Variants in BTBD9 observed in about 807,000 individuals in gnomAD.
BTBD9 encodes the protein BTB domain containing 9, also known as BTB/POZ domain-containing protein 9.
A neutral mutation model predicts 64.3 loss-of-function variants in BTBD9; 49 were observed. The observed-to-expected ratio is 0.76, with a 90% CI of 0.61 to 0.97. The LOEUF is 0.97. Ranked by LOEUF, BTBD9 falls within the 50% of genes least tolerant of loss-of-function variation. BTBD9 has a pLI of 0.00. For missense variants in BTBD9, 598 were observed against 762.1 expected (o/e 0.78, Z 2.53); for synonymous variants, 260 against 274.7 (o/e 0.95, Z 0.53).
intron 1 of BTBD9, among the ~76,000 whole-genome samples, chr6:38,607,519 C>T (rs1201369120): frequency 6.6e-6 from 1 of 152,120 alleles, no homozygotes; most frequent in Non-Finnish European, 1.5e-5. Context: ...ATTTTGCATA[C>T]TCTTAATGCT....
chr6:38,428,510 A>G (rs1768284331), intron 6 of BTBD9, among the ~76,000 whole-genome samples: 3 of 149,992 alleles, frequency 2.0e-5, no homozygotes, highest in Admixed American at 2.0e-4. Flanking sequence ...GTATTAAAGC[A>G]TTTTTTTGGC....
intron 7 of BTBD9, among the ~76,000 whole-genome samples, chr6:38,299,574 T>C (rs1247319937): frequency 6.6e-6 from 1 of 152,190 alleles, no homozygotes; most frequent in Non-Finnish European, 1.5e-5. Context: ...TGGTATCTCA[T>C]TGTGGTTTTG....
At chr6:38,572,231 C>T (rs1582652494) in intron 6 of BTBD9, among the ~76,000 whole-genome samples, 1 of 152,212 alleles carries the variant, frequency 6.6e-6, no homozygotes, top group East Asian at 1.9e-4. Context: ...GAAACCTTGG[C>T]AATCTTCTTC....
At chr6:38,595,918 C>T (rs1777014195) in intron 2 of BTBD9, 1 of 985,350 alleles carries the variant, frequency 1.0e-6, no homozygotes, top group East Asian at 1.1e-4. Context: ...CTGTATGATC[C>T]ATGGTATTTA....
At chr6:38,409,908 T>C (rs888769140) in intron 6 of BTBD9, among the ~76,000 whole-genome samples, 20 of 152,104 alleles carry the variant, frequency 1.3e-4, no homozygotes, top group Admixed American at 2.0e-4. Context: ...TTCCTGAGTA[T>C]AAAACCAAAA....
At chr6:38,182,869 A>C (rs1453560603) in intron 10 of BTBD9, among the ~76,000 whole-genome samples, 1 of 152,190 alleles carries the variant, frequency 6.6e-6, no homozygotes, top group African/African-American at 2.4e-5. Context: ...AGGATTGTGC[A>C]GTGTCTGAAA....
rs1467828409 is a variant in BTBD9 at position 38,169,455 on chromosome 6, A to T, written c.*5530T>A. The T allele has an allele frequency of 7.0e-6, 1 of 143,566 alleles. No individual in the cohort carries two copies. The highest frequency in any genetic ancestry group is 1.5e-5 in the Non-Finnish European group (1 of 65,550). The allele number at this position is 143,566 out of a possible 1,614,324, so 8.9% of individuals were successfully genotyped here. On this transcript the variant is annotated 3_prime_UTR_variant, in exon 11 of 11. Coordinates refer to ENST00000481247, the MANE Select transcript of BTBD9 (RefSeq NM_001099272.2). ...CCTGGGACATAAACCCCTGGGGCTC[A>T]TGTGGTGGGGAGCAATTTGGCAGCA...
chr6:38,424,509 A>C (rs975045926), intron 6 of BTBD9, among the ~76,000 whole-genome samples: 1 of 151,842 alleles, frequency 6.6e-6, no homozygotes, highest in Non-Finnish European at 1.5e-5. Flanking sequence ...TATAAAAAGT[A>C]TATTTTTAAA....
At chr6:38,477,430 A>C (rs1046800720) in intron 6 of BTBD9, among the ~76,000 whole-genome samples, 1 of 152,262 alleles carries the variant, frequency 6.6e-6, no homozygotes, top group Non-Finnish European at 1.5e-5. Context: ...TGCCAGGGGC[A>C]GAATCATGCT....
intron 6 of BTBD9, among the ~76,000 whole-genome samples, chr6:38,561,011 C>A (rs1254193468): frequency 6.6e-6 from 1 of 152,132 alleles, no homozygotes; most frequent in Non-Finnish European, 1.5e-5. Flanking sequence ...AATTCCATGT[C>A]TTTGCTTTAT....
At chr6:38,328,966 ATATGTGTGTGTGTGTG>A in intron 7 of BTBD9, among the ~76,000 whole-genome samples, 1 of 93,156 alleles carries the variant, frequency 1.1e-5, no homozygotes, top group African/African-American at 5.2e-5. Context: ...AAGAAAGAAA[ATATGTGTGTGTGTGTG>A]TGTGTGTGTG....
intron 8 of BTBD9, among the ~76,000 whole-genome samples, chr6:38,274,424 G>A (rs1438825958): frequency 1.3e-5 from 2 of 152,034 alleles, no homozygotes. Flanking sequence ...ATGTTGAATA[G>A]GAGTGGTGAG....
rs560391197 is a variant in BTBD9 at position 38,201,176 on chromosome 6, C to T, written c.1563-8579G>A. On this transcript the variant is annotated intron_variant, in intron 9 of 10. Transcript: ENST00000481247. ...TACAGGCCAATATCCTCAATGAACA[C>T]AGACACAAAACTTCTCAAAAAAATA... Among the ~76,000 whole-genome samples, 3 of 152,220 alleles carry T rather than the reference C, an allele frequency of 2.0e-5. No homozygotes were observed. In the East Asian group the frequency reaches 5.8e-4, roughly 29 times the overall value.
At chr6:38,528,926 G>A (rs531301175) in intron 6 of BTBD9, among the ~76,000 whole-genome samples, 11 of 152,132 alleles carry the variant, frequency 7.2e-5, no homozygotes, top group Non-Finnish European at 1.3e-4. Flanking sequence ...ATGGGACATT[G>A]TCTTGCAGCT....
At chr6:38,481,554 A>C (rs1771142947) in intron 6 of BTBD9, 1 of 152,226 alleles carries the variant, frequency 6.6e-6, no homozygotes, top group South Asian at 2.1e-4. Flanking sequence ...TTGGTATCCC[A>C]TAGGCCTCTG....
chr6:38,430,524 A>AT lies in BTBD9; in HGVS notation c.1155-85432dup, dbSNP rs1209133115. Reference sequence around the variant, plus strand: ...GACCCACCGCAGCTGAAAAAAAAAAATTTTTTTTTGAGACAGGGTCTTGCT... The same window carrying AT: ...GACCCACCGCAGCTGAAAAAAAAAAATTTTTTTTTTGAGACAGGGTCTTGCT... On this transcript the variant is annotated intron_variant, in intron 6 of 10. Coordinates refer to ENST00000481247, the MANE Select transcript of BTBD9 (RefSeq NM_001099272.2). Among the ~76,000 whole-genome samples, 103 of 136,470 alleles carry AT rather than the reference A, an allele frequency of 7.5e-4. 2 individuals are homozygous for AT. The highest frequency in any genetic ancestry group is 4.2e-3 in the Admixed American group (56 of 13,480). 89.5% of individuals were successfully genotyped at this position (136,470 alleles called of 152,430 possible). A position where few individuals can be genotyped will look rare whatever the true frequency, so the allele number is the denominator to read the frequency against.
rs1412521362 is a variant in BTBD9, at chr6:38,174,811, G to A, written c.*174C>T. 2 of 732,134 alleles carry A rather than the reference G, an allele frequency of 2.7e-6. No individual in the cohort carries two copies. Among genetic ancestry groups the A allele is most frequent in the African/African-American group, 3.5e-5 (2 of 56,808 alleles). 45.4% of individuals were successfully genotyped at this position (732,134 alleles called of 1,614,324 possible). A position where few individuals can be genotyped will look rare whatever the true frequency, so the allele number is the denominator to read the frequency against. Reference sequence around the variant, plus strand: ...TGGATAAATTGAGAAGAACAAAGCAGCCCCTTTCTGTCCTTGGGAGAAAAC... The same window carrying A: ...TGGATAAATTGAGAAGAACAAAGCAACCCCTTTCTGTCCTTGGGAGAAAAC... On this transcript the variant is annotated 3_prime_UTR_variant, in exon 11 of 11. Transcript: ENST00000481247.
At chr6:38,377,025 A>G (rs756622416) in intron 6 of BTBD9, among the ~76,000 whole-genome samples, 1 of 152,208 alleles carries the variant, frequency 6.6e-6, no homozygotes, top group East Asian at 1.9e-4. Flanking sequence ...TATCTAAACC[A>G]ATTGTTTTAG....
At chr6:38,219,664 A>G (rs920054967) in intron 9 of BTBD9, among the ~76,000 whole-genome samples, 2 of 152,196 alleles carry the variant, frequency 1.3e-5, no homozygotes, top group Non-Finnish European at 2.9e-5. Flanking sequence ...TGGTCTCAAG[A>G]TGAGTGTGTG....
Sources: allele counts gnomAD v4.1 joint callset (sites outside exome capture counted in the v4.1 genomes callset), GRCh38; gene constraint gnomAD v4.1.1; transcripts MANE v1.5; gene names NCBI Gene and HGNC (gene_info 2026-07-23, HGNC 2026-07-21).